RYR2: variants seen among roughly 807,000 people sequenced by gnomAD.
RYR2 encodes the protein cardiac muscle ryanodine receptor-calcium release channel.
RYR2 carries 227 observed loss-of-function variants against 601.1 expected under a neutral mutation model. The observed-to-expected ratio is 0.38, with a 90% CI of 0.34 to 0.42. The LOEUF is 0.42. Among genes scored for constraint, RYR2 ranks in the 10% least tolerant of loss-of-function variants. The pLI is 1.00. For synonymous variants in RYR2, 2,223 were observed against 2,175.1 expected (o/e 1.02, Z -0.61); for missense variants, 4,646 against 6,156.5 (o/e 0.75, Z 8.21).
chr1:237,646,904 C>T (rs1682219845), intron 48 of RYR2, among the ~76,000 whole-genome samples: 1 of 152,280 alleles, frequency 6.6e-6, no homozygotes, highest in African/African-American at 2.4e-5. Flanking sequence ...AAAACAGCAA[C>T]TTGAGCCAAT....
At chr1:237,334,116 C>T (rs1049904303) in intron 3 of RYR2, among the ~76,000 whole-genome samples, 3 of 152,074 alleles carry the variant, frequency 2.0e-5, no homozygotes, top group Admixed American at 2.0e-4. Flanking sequence ...CCATTTAGAA[C>T]CATGCCTTTG....
At chr1:237,817,068 A>C (rs1661919962) in intron 100 of RYR2, among the ~76,000 whole-genome samples, 1 of 152,134 alleles carries the variant, frequency 6.6e-6, no homozygotes, top group South Asian at 2.1e-4. Flanking sequence ...TCCAGATCAG[A>C]TCTTGGGTGG....
At chr1:237,781,452 T>C in intron 88 of RYR2, 113 bp from the exon 89 acceptor site, 1 of 611,764 alleles carries the variant, frequency 1.6e-6, no homozygotes, top group South Asian at 2.2e-5. Context: ...TCCATAATGC[T>C]TCAAGTGGTT....
At chr1:237,768,743 G>T (rs1271362658) in intron 84 of RYR2, among the ~76,000 whole-genome samples, 2 of 152,084 alleles carry the variant, frequency 1.3e-5, no homozygotes, top group African/African-American at 4.8e-5. Context: ...CCACTTATTT[G>T]CAGCATGGGC....
intron 74 of RYR2, among the ~76,000 whole-genome samples, chr1:237,724,006 A>C (rs1034268313): frequency 6.6e-6 from 1 of 151,894 alleles, no homozygotes; most frequent in African/African-American, 2.4e-5. Flanking sequence ...CATCAAGTCC[A>C]TTCAGCAAAA....
intron 1 of RYR2, among the ~76,000 whole-genome samples, chr1:237,176,304 T>A (rs28545525): frequency 8.5e-5 from 9 of 106,364 alleles, no homozygotes; most frequent in Non-Finnish European, 1.4e-4. Context: ...AAATATATAT[T>A]TTTTTATTAA....
At chr1:237,057,026 C>G (rs1021599135) in intron 1 of RYR2, among the ~76,000 whole-genome samples, 2 of 152,154 alleles carry the variant, frequency 1.3e-5, no homozygotes, top group African/African-American at 2.4e-5. Context: ...ATTCAAGGCA[C>G]AAAGCTAGAA....
chr1:237,600,928 A>G (rs1244984509), intron 34 of RYR2, among the ~76,000 whole-genome samples: 1 of 152,200 alleles, frequency 6.6e-6, no homozygotes, highest in Non-Finnish European at 1.5e-5. Flanking sequence ...TATCAAAAAG[A>G]CAAAAGATAA....
chr1:237,357,758 A>G (rs1699425310), intron 4 of RYR2, among the ~76,000 whole-genome samples: 2 of 152,172 alleles, frequency 1.3e-5, no homozygotes, highest in Non-Finnish European at 2.9e-5. Context: ...AATCTTATGT[A>G]GCCTCTTTAT....
At chr1:237,432,392 T>C (rs7552945) in intron 12 of RYR2, among the ~76,000 whole-genome samples, 18,415 of 152,114 alleles carry the variant, frequency 0.12, 1,302 homozygotes, top group East Asian at 0.24. Flanking sequence ...CTGAATGTAC[T>C]AGCAAAGCTA....
chr1:237,259,519 C>G (rs1688307671), intron 1 of RYR2, among the ~76,000 whole-genome samples: 1 of 112,016 alleles, frequency 8.9e-6, no homozygotes, highest in African/African-American at 3.6e-5. Context: ...CAACAGAGCT[C>G]TAGACCATTT....
chr1:237,671,777 A>G (rs1684969172), intron 58 of RYR2, among the ~76,000 whole-genome samples: 1 of 152,042 alleles, frequency 6.6e-6, no homozygotes, highest in African/African-American at 2.4e-5. Context: ...ATCAGATGCC[A>G]TAAGGAGTTA....
intron 12 of RYR2, among the ~76,000 whole-genome samples, chr1:237,439,072 G>C (rs1707662144): frequency 6.6e-6 from 1 of 152,140 alleles, no homozygotes; most frequent in African/African-American, 2.4e-5. Context: ...TGCCTAATCT[G>C]AGCACTTTAT....
At chr1:237,719,109 A>T (rs186441343) in intron 73 of RYR2, among the ~76,000 whole-genome samples, 58 of 152,198 alleles carry the variant, frequency 3.8e-4, no homozygotes, top group African/African-American at 1.4e-3. Context: ...AAGTACAAAA[A>T]TTAGCTGGAT....
At chr1:237,416,565 T>C (rs547265236) in intron 10 of RYR2, among the ~76,000 whole-genome samples, 2 of 152,350 alleles carry the variant, frequency 1.3e-5, no homozygotes, top group South Asian at 4.1e-4. Context: ...AAGAATTGTG[T>C]TCTTACATTT....
intron 13 of RYR2, among the ~76,000 whole-genome samples, chr1:237,442,542 T>C (rs1318692097): frequency 6.6e-6 from 1 of 152,216 alleles, no homozygotes; most frequent in East Asian, 1.9e-4. Context: ...ATCCTGTTTG[T>C]ATTCATATTT....
chr1:237,310,987 A>G, intron 2 of RYR2, among the ~76,000 whole-genome samples: 1 of 152,198 alleles, frequency 6.6e-6, no homozygotes, highest in East Asian at 1.9e-4. Context: ...TTTAGTAGGT[A>G]TCTATCCTAT....
rs934366107 is a variant in RYR2 at position 237,638,508 on chromosome 1, T to C, written c.6928+16T>C. On this transcript the variant is annotated intron_variant, in intron 45 of 104. Coordinates refer to ENST00000366574, the MANE Select transcript of RYR2 (RefSeq NM_001035.3). ...TTCTGTAATGGTAGGACTTGATTTC[T>C]TGAGGTCTTTTGAGTTATCATTAAA... The C allele has an allele frequency of 6.2e-7, 1 of 1,612,622 alleles. No homozygotes were observed. Among genetic ancestry groups the C allele is most frequent in the Non-Finnish European group, 8.5e-7 (1 of 1,178,870 alleles).
intron 25 of RYR2, among the ~76,000 whole-genome samples, chr1:237,536,597 C>CCCAGCTACTAGGGCG (rs1668640460): frequency 6.6e-6 from 1 of 152,062 alleles, no homozygotes; most frequent in South Asian, 2.1e-4. Flanking sequence ...CGCCTGTAGT[C>CCCAGCTACTAGGGCG]CCTGCTACTG....
Sources: allele counts gnomAD v4.1 joint callset (sites outside exome capture counted in the v4.1 genomes callset), GRCh38; gene constraint gnomAD v4.1.1; transcripts MANE v1.5; gene names NCBI Gene and HGNC (gene_info 2026-07-23, HGNC 2026-07-21).